Variants in MXRA7 observed in about 807,000 individuals in gnomAD.
The protein encoded by MXRA7 is matrix-remodeling-associated protein 7.
In MXRA7, 18 loss-of-function variants were observed where a neutral mutation model predicts 17.4. The ratio of observed to expected loss-of-function variants is 1.03; its 90% CI spans 0.71 to 1.53. The LOEUF is 1.53. Ranked by LOEUF, MXRA7 falls within the 40% of genes most tolerant of loss-of-function variation. MXRA7 has a pLI of 0.00. For missense variants in MXRA7, 141 were observed against 209.3 expected, an observed-to-expected ratio of 0.67 and a Z score of 2.01; for synonymous variants, 70 against 101.7, an observed-to-expected ratio of 0.69 and a Z score of 1.87.
chr17:76,698,367 G>T lies in MXRA7; in HGVS notation c.343-10191C>A, dbSNP rs150954134. On this transcript the variant is annotated intron_variant, in intron 1 of 3. Coordinates refer to ENST00000449428, the MANE Select transcript of MXRA7 (RefSeq NM_198530.4). ...CTGCTCATCTTTTGCAATGGGCGGG[G>T]GGGGAGCAGCAAAGCCCAGCTGGCG... Among the ~76,000 whole-genome samples the T allele has an allele frequency of 5.1e-3, 776 of 152,252 alleles. 7 individuals carry two copies. Among genetic ancestry groups the T allele is most frequent in the African/African-American group, 0.017 (717 of 41,530 alleles).
chr17:76,702,514 TAAAAG>T (rs1364435452), intron 1 of MXRA7, among the ~76,000 whole-genome samples: 2 of 147,718 alleles, frequency 1.4e-5, no homozygotes, highest in Non-Finnish European at 3.0e-5. Context: ...AATAAATAAA[TAAAAG>T]AAGAAGAAGA....
At chr17:76,684,040 C>T (rs551804004) in intron 3 of MXRA7, 40 of 830,320 alleles carry the variant, frequency 4.8e-5, no homozygotes, top group Admixed American at 4.3e-4. Context: ...CACTGCCCGC[C>T]CCCCACCCAC....
exon 4 of MXRA7, chr17:76,673,512 C>T (rs969968868): frequency 1.3e-5 from 2 of 152,220 alleles, no homozygotes; most frequent in Admixed American, 1.3e-4. Context: ...TCTGCCTGGA[C>T]CTAGCCAGGC....
At chr17:76,701,089 C>T (rs571178017) in intron 1 of MXRA7, among the ~76,000 whole-genome samples, 3 of 151,584 alleles carry the variant, frequency 2.0e-5, no homozygotes, top group Non-Finnish European at 2.9e-5. Flanking sequence ...GAGCAGGGGC[C>T]GGGGGGTGTG....
chr17:76,700,917 G>A (rs1032409031), intron 1 of MXRA7, among the ~76,000 whole-genome samples: 4 of 152,172 alleles, frequency 2.6e-5, no homozygotes, highest in Non-Finnish European at 4.4e-5. Context: ...CTCAGGCAGG[G>A]AGGGGTGTGC....
chr17:76,706,859 A>G (rs1425097733), intron 1 of MXRA7, among the ~76,000 whole-genome samples: 1 of 152,210 alleles, frequency 6.6e-6, no homozygotes, highest in Non-Finnish European at 1.5e-5. Context: ...AATACAATGA[A>G]TACCATACAC....
At position 76,683,918 on chromosome 17, in the gene MXRA7, C is replaced by A. The variant is rs138127502; in HGVS notation, c.500+1154G>T. The A allele has an allele frequency of 5.0e-6, 8 of 1,613,648 alleles. No individual in the cohort carries two copies. In the African/African-American group the frequency reaches 6.7e-5, roughly 13 times the overall value. ...GCTACAGGGAAGTGAGGTCAGAGGT[C>A]AGCTCAATCCTGAAATATAAATGCA... is the stretch of plus-strand genomic sequence containing the variant. On this transcript the variant is annotated intron_variant, in intron 3 of 3. Transcript: ENST00000449428.
At chr17:76,690,381 CTTTA>C (rs1482039152) in intron 1 of MXRA7, among the ~76,000 whole-genome samples, 2 of 151,668 alleles carry the variant, frequency 1.3e-5, no homozygotes, top group African/African-American at 2.4e-5. Flanking sequence ...CCCATTTTTT[CTTTA>C]TTTATTTTCT....
At chr17:76,703,238 C>T (rs554703853) in intron 1 of MXRA7, among the ~76,000 whole-genome samples, 64 of 152,240 alleles carry the variant, frequency 4.2e-4, no homozygotes, top group African/African-American at 1.3e-3. Flanking sequence ...GGTTGTCTCA[C>T]CCAGAGGTCA....
intron 1 of MXRA7, chr17:76,688,832 T>C: frequency 1.1e-5 from 5 of 469,022 alleles, no homozygotes; most frequent in Non-Finnish European, 1.4e-5. Context: ...TTGAAGGTCA[T>C]GGGGAGGGGA....
chr17:76,683,929 TG>T, intron 3 of MXRA7: 1 of 1,613,086 alleles, frequency 6.2e-7, no homozygotes, highest in Non-Finnish European at 8.5e-7. Context: ...AGCTCAATCC[TG>T]AAATATAAAT....
intron 3 of MXRA7, chr17:76,684,731 G>C: frequency 2.4e-6 from 1 of 420,170 alleles, no homozygotes; most frequent in South Asian, 2.0e-5. Flanking sequence ...GTGACAGCCA[G>C]GTCTGCTCCA....
intron 1 of MXRA7, chr17:76,709,991 G>A (rs947458369): frequency 4.0e-5 from 6 of 150,882 alleles, no homozygotes; most frequent in African/African-American, 1.3e-4. Context: ...GGGGTAGGAG[G>A]GTGTTAGATG....
At position 76,710,926 on chromosome 17, in the gene MXRA7, T is replaced by C. The variant is rs113539992; in HGVS notation, c.21A>G (p.Leu7=). 40 of 996,998 alleles carry C rather than the reference T, an allele frequency of 4.0e-5. No homozygotes were observed. The highest frequency in any genetic ancestry group is 4.6e-5 in the Non-Finnish European group (39 of 840,514). 61.8% of individuals were successfully genotyped at this position (996,998 alleles called of 1,614,324 possible). The part of the protein sequence containing the change: MEAPAE[L]LAALPALATA... The stretch of plus-strand genomic sequence containing the variant: ...TGGCCAGCGCAGGCAGCGCGGCCAG[T>C]AGCTCGGCCGGCGCCTCCATCGCGC... Residue 7 remains leucine (L), a synonymous_variant, in exon 1 of 4, where the codon CTA becomes CTG. Coordinates refer to ENST00000449428, the MANE Select transcript of MXRA7 (RefSeq NM_198530.4).
chr17:76,696,427 G>A (rs2076533089), intron 1 of MXRA7, among the ~76,000 whole-genome samples: 1 of 152,084 alleles, frequency 6.6e-6, no homozygotes, highest in Non-Finnish European at 1.5e-5. Context: ...AGGCTGAGGT[G>A]GGAGGATCGC....
chr17:76,706,116 GCCC>G (rs2076652487), intron 1 of MXRA7, among the ~76,000 whole-genome samples: 2 of 151,532 alleles, frequency 1.3e-5, no homozygotes. Context: ...CATCACAAAG[GCCC>G]ACGCTGCCAT....
chr17:76,691,095 C>T (rs983010662), intron 1 of MXRA7, among the ~76,000 whole-genome samples: 2 of 152,142 alleles, frequency 1.3e-5, no homozygotes, highest in African/African-American at 4.8e-5. Context: ...GAACTTTCAG[C>T]CCCACCACCC....
intron 1 of MXRA7, among the ~76,000 whole-genome samples, chr17:76,699,528 C>G (rs1167857905): frequency 1.3e-5 from 2 of 152,228 alleles, no homozygotes; most frequent in Non-Finnish European, 2.9e-5. Context: ...GCCTACATTG[C>G]CTGACCTTGT....
downstream of MXRA7, among the ~76,000 whole-genome samples, chr17:76,679,027 G>A (rs2076264383): frequency 6.6e-6 from 1 of 152,144 alleles, no homozygotes; most frequent in African/African-American, 2.4e-5. Context: ...AGGTGCAGTG[G>A]CTCATGCCTG....
Sources: allele counts gnomAD v4.1 joint callset (sites outside exome capture counted in the v4.1 genomes callset), GRCh38; gene constraint gnomAD v4.1.1; transcripts MANE v1.5; gene names NCBI Gene and HGNC (gene_info 2026-07-23, HGNC 2026-07-21).